Variants in SHCBP1L observed in about 807,000 individuals in gnomAD.
SHCBP1L encodes testicular spindle-associated protein SHCBP1L.
SHCBP1L carries 67 observed loss-of-function variants against 62.5 expected under a neutral mutation model. That is an observed-to-expected ratio of 1.07 (90% CI 0.88 to 1.31). SHCBP1L has a LOEUF of 1.31. SHCBP1L is among the 40% of genes most tolerant of loss of function. The pLI, the probability that SHCBP1L is intolerant of heterozygous loss-of-function variation, is 0.00. For synonymous variants in SHCBP1L, 284 were observed against 289.4 expected (o/e 0.98, Z 0.19); for missense variants, 823 against 809.8 (o/e 1.02, Z -0.20).
chr1:182,901,894 G>A (rs1458528258), intron 9 of SHCBP1L, among the ~76,000 whole-genome samples: 1 of 152,126 alleles, frequency 6.6e-6, no homozygotes, highest in Non-Finnish European at 1.5e-5. Context: ...GAATCAGAAA[G>A]CAGAGTGGGC....
chr1:182,924,788 GAGAGAAAGA>G lies in SHCBP1L; in HGVS notation c.1182+4850_1182+4858del, dbSNP rs1557996890. On this transcript the variant is annotated intron_variant, in intron 6 of 9. Coordinates refer to ENST00000367547, the MANE Select transcript of SHCBP1L (RefSeq NM_030933.4). ...AGAAAGAAAGAAAGAAAGAAAGAAA[GAGAGAAAGA>G]AAGGAAGGAAGGAAGGAGGGAAGAG... Among the ~76,000 whole-genome samples the G allele has an allele frequency of 7.5e-5, 7 of 93,000 alleles. No homozygotes were observed. The East Asian group carries it at 2.2e-3, about 30-fold the overall frequency. 61.0% of individuals were successfully genotyped at this position (93,000 alleles called of 152,430 possible). A position where few individuals can be genotyped will look rare whatever the true frequency, so the allele number is the denominator to read the frequency against.
rs138102778 is a variant in SHCBP1L at position 182,935,475 on chromosome 1, A to C, written c.1076+3701T>G. On this transcript the variant is annotated intron_variant, in intron 5 of 9. Coordinates refer to ENST00000367547, the MANE Select transcript of SHCBP1L (RefSeq NM_030933.4). ...GCTCACTGCTGGTATATAAAAAAGC[A>C]GTTGATTTTTGAATATTAACCTTGC... 2.4e-3 allele frequency among the ~76,000 whole-genome samples: 370 copies of C among 152,304 alleles called. 1 individual carries two copies. The highest frequency in any genetic ancestry group is 6.5e-3 in the Admixed American group (99 of 15,296).
At chr1:182,932,245 C>T (rs920026753) in intron 5 of SHCBP1L, among the ~76,000 whole-genome samples, 3 of 151,984 alleles carry the variant, frequency 2.0e-5, no homozygotes, top group Non-Finnish European at 4.4e-5. Flanking sequence ...ATGAATAAAA[C>T]TGCTATAAAC....
At chr1:182,944,157 A>AAATAAATAAATAAAT (rs1261244494) in intron 2 of SHCBP1L, among the ~76,000 whole-genome samples, 3 of 53,302 alleles carry the variant, frequency 5.6e-5, no homozygotes, top group African/African-American at 1.5e-4. Context: ...AATAAATAAA[A>AAATAAATAAATAAAT]GAGGCCGGGA....
intron 5 of SHCBP1L, among the ~76,000 whole-genome samples, chr1:182,930,729 T>G (rs1431258695): frequency 1.6e-3 from 140 of 85,652 alleles, no homozygotes; most frequent in African/African-American, 3.4e-3. Context: ...ATATATGTAT[T>G]TTTTTTTTTT....
At chr1:182,928,113 G>T (rs895029877) in intron 6 of SHCBP1L, among the ~76,000 whole-genome samples, 1 of 152,066 alleles carries the variant, frequency 6.6e-6, no homozygotes, top group Non-Finnish European at 1.5e-5. Context: ...ATTAAATTTT[G>T]TTGAAAAGAA....
At chr1:182,930,889 CTTTTTTTTT>C (rs564364700) in intron 5 of SHCBP1L, among the ~76,000 whole-genome samples, 1 of 114,304 alleles carries the variant, frequency 8.7e-6, no homozygotes, top group Admixed American at 9.3e-5. Flanking sequence ...CCTTGCCTGG[CTTTTTTTTT>C]TTTTTTTTTA....
In SHCBP1L at chr1:182,953,116, C is replaced by T; in HGVS notation, c.18G>A (p.Lys6=). ...GGAATGAGTCCGCGGGCACCGAGGC[C>T]TTGGAGCCCGACGCCATCTCCTCAG... is the stretch of plus-strand genomic sequence containing the variant. MASGS[K]ASVPADSFRT... The change falls in exon 1 of 10, where the codon AAG becomes AAA. Residue 6 remains lysine (K), a synonymous_variant. Transcript: ENST00000367547. The T allele has an allele frequency of 6.3e-7, 1 of 1,578,790 alleles. No individual in the cohort carries two copies. Among genetic ancestry groups the T allele is most frequent in the South Asian group, 1.1e-5 (1 of 87,838 alleles).
chr1:182,937,064 A>G (rs1651204124), intron 5 of SHCBP1L, among the ~76,000 whole-genome samples: 1 of 151,854 alleles, frequency 6.6e-6, no homozygotes, highest in South Asian at 2.1e-4. Context: ...AGAAAAATAA[A>G]TAAATAAAAT....
chr1:182,926,003 C>A (rs1383337563), intron 6 of SHCBP1L, among the ~76,000 whole-genome samples: 1 of 151,990 alleles, frequency 6.6e-6, no homozygotes, highest in Non-Finnish European at 1.5e-5. Context: ...TATCCAGAAT[C>A]ATAAATCTAC....
chr1:182,912,169 C>T (rs1027870422), intron 6 of SHCBP1L, among the ~76,000 whole-genome samples: 15 of 152,180 alleles, frequency 9.9e-5, no homozygotes, highest in African/African-American at 2.7e-4. Flanking sequence ...CCGCCAGGCA[C>T]GGTGGCTCAC....
intron 9 of SHCBP1L, among the ~76,000 whole-genome samples, chr1:182,900,859 C>T (rs1168443452): frequency 2.0e-5 from 3 of 151,656 alleles, no homozygotes; most frequent in Non-Finnish European, 4.4e-5. Context: ...ATAGCAAGAC[C>T]CTATTCTCCA....
chr1:182,921,092 C>T (rs928852413), intron 6 of SHCBP1L, among the ~76,000 whole-genome samples: 1 of 151,900 alleles, frequency 6.6e-6, no homozygotes, highest in Non-Finnish European at 1.5e-5. Flanking sequence ...TCAAGGTCAA[C>T]GTGAAAGAAA....
intron 2 of SHCBP1L, among the ~76,000 whole-genome samples, 199 bp downstream of exon 2, chr1:182,951,119 A>G (rs1377567599): frequency 2.0e-5 from 3 of 152,198 alleles, no homozygotes; most frequent in Non-Finnish European, 2.9e-5. Flanking sequence ...TGATACTACT[A>G]GATTCCATTT....
chr1:182,935,663 G>A (rs1651142653), intron 5 of SHCBP1L, among the ~76,000 whole-genome samples: 1 of 151,564 alleles, frequency 6.6e-6, no homozygotes, highest in African/African-American at 2.4e-5. Context: ...TTGTCTTATT[G>A]CATTATTTAG....
intron 8 of SHCBP1L, 93 bp downstream of exon 8, chr1:182,904,087 T>C (rs1649924022): frequency 2.1e-6 from 3 of 1,440,954 alleles, no homozygotes; most frequent in African/African-American, 1.4e-5. Context: ...CACTAAAAGA[T>C]GAAGAAATTG....
At chr1:182,922,632 C>A (rs2101934182) in intron 6 of SHCBP1L, among the ~76,000 whole-genome samples, 1 of 151,388 alleles carries the variant, frequency 6.6e-6, no homozygotes, top group East Asian at 1.9e-4. Context: ...AAGCAATCTG[C>A]TCCTGAATGA....
In SHCBP1L at chr1:182,940,476, A is replaced by G. The variant is rs1391947953; in HGVS notation, c.623T>C (p.Phe208Ser). ...TGGAATATTTGCAATGTTGGAAGAA[A>G]AGGGCTCAGCAACAGAAACAGTAAC... ...FKVTVSVAEP[F>S]SSNIANIPRD... Residue 208 changes from phenylalanine to serine, a missense_variant, in exon 3 of 10, where the codon TTT (phenylalanine) becomes TCT (serine). Phe to Ser is a radical substitution (Grantham distance 155). Coordinates refer to ENST00000367547, the MANE Select transcript of SHCBP1L (RefSeq NM_030933.4). 2 of 1,614,006 alleles carry G rather than the reference A, an allele frequency of 1.2e-6. No individual in the cohort carries two copies.
chr1:182,927,438 TGAG>T lies in SHCBP1L; in HGVS notation c.1182+2206_1182+2208del, dbSNP rs888141624. 1.1e-4 allele frequency among the ~76,000 whole-genome samples: 16 copies of T among 152,082 alleles called. No individual in the cohort carries two copies. In the South Asian group the frequency reaches 1.9e-3, roughly 18 times the overall value. On this transcript the variant is annotated intron_variant, in intron 6 of 9. Coordinates refer to ENST00000367547, the MANE Select transcript of SHCBP1L (RefSeq NM_030933.4). ...CTGTAATCCCAGCACTTTGGGAGGCTGAGGAGGGCGGATCACGAGGTCAGGAGA... is the reference window on the plus strand; with the variant it reads ...CTGTAATCCCAGCACTTTGGGAGGCTGAGGGCGGATCACGAGGTCAGGAGA...
Sources: gnomAD v4.1 joint callset for allele counts (sites outside exome capture counted in the v4.1 genomes callset) on GRCh38, gnomAD v4.1.1 for gene constraint, MANE v1.5 for transcripts, NCBI Gene and HGNC (gene_info 2026-07-23, HGNC 2026-07-21) for gene names.